CPNE8: variants seen among roughly 807,000 people sequenced by gnomAD.
The protein encoded by CPNE8 is copine 8.
In CPNE8, 45 loss-of-function variants were observed where a neutral mutation model predicts 81.5. The ratio of observed to expected loss-of-function variants is 0.55; its 90% confidence interval spans 0.44 to 0.71. The LOEUF (loss-of-function observed/expected upper bound fraction) is 0.71, where lower values mean the gene tolerates loss of function less well. CPNE8 is among the 30% of genes least tolerant of loss of function. CPNE8 has a pLI of 0.00. For missense variants in CPNE8, 594 were observed against 672.1 expected, an observed-to-expected ratio of 0.88 and a Z score of 1.28; for synonymous variants, 252 against 226.3, an observed-to-expected ratio of 1.11 and a Z score of -1.02.
intron 3 of CPNE8, among the ~76,000 whole-genome samples, chr12:38,850,074 A>G (rs1224921904): frequency 6.6e-6 from 1 of 152,156 alleles, no homozygotes; most frequent in Non-Finnish European, 1.5e-5. Context: ...GGGAGTGGGA[A>G]TAAGAGTATA....
chr12:38,712,208 T>A (rs896678761), intron 13 of CPNE8, among the ~76,000 whole-genome samples: 3 of 134,716 alleles, frequency 2.2e-5, no homozygotes, highest in African/African-American at 8.9e-5. Flanking sequence ...TGATGCCATT[T>A]TTTTTTTTTT....
chr12:38,807,456 C>A (rs1942835988), intron 6 of CPNE8, among the ~76,000 whole-genome samples: 1 of 151,850 alleles, frequency 6.6e-6, no homozygotes, highest in South Asian at 2.1e-4. Flanking sequence ...TGCATGTCTA[C>A]AACTATCTGA....
At chr12:38,887,086 T>C (rs1259312553) in intron 1 of CPNE8, among the ~76,000 whole-genome samples, 1 of 152,152 alleles carries the variant, frequency 6.6e-6, no homozygotes, top group East Asian at 1.9e-4. Context: ...CAGAGTTACA[T>C]ACAGGGTTAC....
intron 4 of CPNE8, among the ~76,000 whole-genome samples, chr12:38,848,121 C>T (rs1242147004): frequency 6.6e-6 from 1 of 152,082 alleles, no homozygotes; most frequent in Non-Finnish European, 1.5e-5. Flanking sequence ...AATGCTGACT[C>T]GATTATCCTG....
intron 13 of CPNE8, among the ~76,000 whole-genome samples, chr12:38,713,122 T>C (rs777772928): frequency 2.0e-5 from 3 of 152,182 alleles, no homozygotes; most frequent in Non-Finnish European, 4.4e-5. Context: ...ATTTGAACTG[T>C]ACAATTAATG....
At chr12:38,698,032 G>A (rs1939839591) in intron 14 of CPNE8, among the ~76,000 whole-genome samples, 1 of 152,128 alleles carries the variant, frequency 6.6e-6, no homozygotes, top group Admixed American at 6.6e-5. Flanking sequence ...CACCAACAAT[G>A]TTATGAGGAT....
chr12:38,708,157 T>C (rs1272683379), intron 13 of CPNE8, among the ~76,000 whole-genome samples: 1 of 152,224 alleles, frequency 6.6e-6, no homozygotes, highest in Non-Finnish European at 1.5e-5. Context: ...TCATATTCTA[T>C]GTATTTAGAA....
intron 10 of CPNE8, among the ~76,000 whole-genome samples, chr12:38,743,023 C>T (rs1941145414): frequency 6.6e-6 from 1 of 151,964 alleles, no homozygotes; most frequent in Non-Finnish European, 1.5e-5. Context: ...GCATAGCATA[C>T]ACAATAGTAA....
chr12:38,902,877 C>A (rs985231611), intron 1 of CPNE8, among the ~76,000 whole-genome samples: 16 of 152,112 alleles, frequency 1.1e-4, no homozygotes, highest in African/African-American at 3.6e-4. Flanking sequence ...AGCGCTTTCA[C>A]ACATCACCTT....
At chr12:38,776,676 T>A (rs1941945874) in intron 6 of CPNE8, among the ~76,000 whole-genome samples, 1 of 151,948 alleles carries the variant, frequency 6.6e-6, no homozygotes, top group African/African-American at 2.4e-5. Context: ...ATCTTCAATA[T>A]CTCCATATTG....
At chr12:38,780,977 A>G (rs1942040874) in intron 6 of CPNE8, among the ~76,000 whole-genome samples, 1 of 152,006 alleles carries the variant, frequency 6.6e-6, no homozygotes, top group South Asian at 2.1e-4. Flanking sequence ...TAATGTTAAA[A>G]ACTAAAATAA....
At chr12:38,838,571 T>TATA (rs1943421259) in intron 5 of CPNE8, among the ~76,000 whole-genome samples, 1 of 152,186 alleles carries the variant, frequency 6.6e-6, no homozygotes, top group Non-Finnish European at 1.5e-5. Context: ...AAACTTCCAA[T>TATA]ATAAAGCTAT....
chr12:38,738,704 TTAAAAG>T (rs1312564882), intron 10 of CPNE8, among the ~76,000 whole-genome samples: 2 of 152,170 alleles, frequency 1.3e-5, no homozygotes, highest in Non-Finnish European at 2.9e-5. Context: ...TAATATTAAC[TTAAAAG>T]TAATAACTCC....
At chr12:38,718,541 G>A (rs1940467781) in intron 13 of CPNE8, among the ~76,000 whole-genome samples, 1 of 151,910 alleles carries the variant, frequency 6.6e-6, no homozygotes, top group South Asian at 2.1e-4. Flanking sequence ...GAAAAAGGAG[G>A]GGCACTATTC....
intron 3 of CPNE8, among the ~76,000 whole-genome samples, chr12:38,861,080 G>C (rs1943825821): frequency 6.6e-6 from 1 of 152,122 alleles, no homozygotes; most frequent in African/African-American, 2.4e-5. Flanking sequence ...CCTGCTATAT[G>C]CAGCAACATG....
chr12:38,906,540 A>C (rs1355790723), upstream of CPNE8: 2 of 985,682 alleles, frequency 2.0e-6, no homozygotes, highest in East Asian at 2.3e-4. Flanking sequence ...TCACAACCAT[A>C]TAACGCAGCT....
At position 38,793,107 on chromosome 12, in the gene CPNE8, C is replaced by T. The variant is rs145169074; in HGVS notation, c.408-16806G>A. Among the ~76,000 whole-genome samples the T allele has an allele frequency of 3.1e-3, 471 of 151,868 alleles. 4 individuals are homozygous for T. Among genetic ancestry groups the T allele is most frequent in the Middle Eastern group, 0.027 (8 of 294 alleles). On this transcript the variant is annotated intron_variant, in intron 6 of 19. Coordinates refer to ENST00000331366, the MANE Select transcript of CPNE8 (RefSeq NM_153634.3). ...AAAAAGGTGGTATATGAAAAGTCCA[C>T]AGCAACCATTGTAGTCAATGGTGAA...
At chr12:38,654,213 C>A in intron 19 of CPNE8, 143 bp from the exon 20 acceptor site, 4 of 1,186,008 alleles carry the variant, frequency 3.4e-6, no homozygotes, top group Non-Finnish European at 4.4e-6. Context: ...AATTATTATA[C>A]ATTTTTAAAA....
At chr12:38,866,687 A>G (rs1438824862) in intron 3 of CPNE8, among the ~76,000 whole-genome samples, 2 of 152,222 alleles carry the variant, frequency 1.3e-5, no homozygotes, top group African/African-American at 2.4e-5. Flanking sequence ...ATAACTAGTT[A>G]TCATGACACA....
Sources: allele counts gnomAD v4.1 joint callset (sites outside exome capture counted in the v4.1 genomes callset), GRCh38; gene constraint gnomAD v4.1.1; transcripts MANE v1.5; gene names NCBI Gene and HGNC (gene_info 2026-07-23, HGNC 2026-07-21).